The following STAC variants were observed in gnomAD, a reference collection of about 807,000 sequenced individuals.
STAC encodes SH3 and cysteine-rich domain-containing protein.
STAC carries 43 observed loss-of-function variants against 48.8 expected under a neutral mutation model. The ratio of observed to expected loss-of-function variants is 0.88; its 90% CI spans 0.69 to 1.14. STAC has a LOEUF of 1.14. Ranked by LOEUF, STAC falls within the 50% of genes most tolerant of loss-of-function variation. STAC has a pLI of 0.00. For missense variants in STAC, 497 were observed against 504.0 expected (o/e 0.99, Z 0.13); for synonymous variants, 193 against 179.5 (o/e 1.07, Z -0.60).
chr3:36,544,076 T>C (rs968346590), intron 10 of STAC, among the ~76,000 whole-genome samples: 4 of 152,150 alleles, frequency 2.6e-5, no homozygotes, highest in African/African-American at 9.7e-5. Flanking sequence ...ACACACTCTT[T>C]GGCAAATTAT....
chr3:36,488,591 C>G (rs1412171755), intron 5 of STAC, among the ~76,000 whole-genome samples: 2 of 146,010 alleles, frequency 1.4e-5, no homozygotes, highest in Non-Finnish European at 3.0e-5. Flanking sequence ...GGTATTTCCT[C>G]TTGCCCAAGC....
intron 2 of STAC, among the ~76,000 whole-genome samples, chr3:36,452,772 A>G (rs1218264857): frequency 6.6e-6 from 1 of 152,232 alleles, no homozygotes; most frequent in Admixed American, 6.5e-5. Context: ...CATAAATTCA[A>G]GTGAGAGACT....
intron 6 of STAC, among the ~76,000 whole-genome samples, chr3:36,493,430 A>AT (rs1408346903): frequency 1.3e-5 from 2 of 152,110 alleles, no homozygotes; most frequent in Non-Finnish European, 2.9e-5. Flanking sequence ...TGAGTTCTAT[A>AT]TCCTGAGTTC....
chr3:36,451,202 G>A (rs993011396), intron 2 of STAC, among the ~76,000 whole-genome samples: 2 of 151,942 alleles, frequency 1.3e-5, no homozygotes, highest in African/African-American at 4.8e-5. Context: ...TCTTTCGGCA[G>A]ATATATAATA....
In STAC at chr3:36,546,434, G is replaced by A; in HGVS notation, c.*145G>A. On this transcript the variant is annotated 3_prime_UTR_variant, in exon 11 of 11. Transcript: ENST00000273183. ...ACAAGAATCAAGTATCTGAGACTGT[G>A]GAGTAATAGCCACAAAACAGAGGGC... The A allele has an allele frequency of 1.5e-6, 1 of 685,216 alleles. No individual in the cohort carries two copies. Among genetic ancestry groups the A allele is most frequent in the South Asian group, 1.8e-5 (1 of 54,618 alleles). 42.4% of individuals were successfully genotyped at this position (685,216 alleles called of 1,614,324 possible). A position where few individuals can be genotyped will look rare whatever the true frequency, so the allele number is the denominator to read the frequency against.
chr3:36,443,456 C>T lies in STAC; in HGVS notation c.204C>T (p.Asp68=). The part of the protein sequence containing the change: ...DNFFQRTNSE[D]MKLQAHMVAE... ...TCTTCCAGCGAACCAACAGCGAAGA[C>T]ATGAAACTGCAAGCACACATGGTGG... The change falls in exon 2 of 11, where the codon GAC becomes GAT. Residue 68 remains aspartate, a synonymous_variant. Coordinates refer to ENST00000273183, the MANE Select transcript of STAC (RefSeq NM_003149.3). The surrounding 1 kb of genome is among the most constrained non-coding windows in gnomAD (Gnocchi z 4.2). 6.2e-7 allele frequency: 1 copy of T among 1,614,248 alleles called. No individual in the cohort carries two copies. The highest frequency in any genetic ancestry group is 8.5e-7 in the Non-Finnish European group (1 of 1,180,048).
At chr3:36,542,480 C>T (rs1330857817) in intron 10 of STAC, among the ~76,000 whole-genome samples, 2 of 152,140 alleles carry the variant, frequency 1.3e-5, no homozygotes, top group Admixed American at 1.3e-4. Context: ...TGTTCTGGTA[C>T]ACTGAATTTT....
At chr3:36,412,703 T>A (rs973521693) in intron 1 of STAC, among the ~76,000 whole-genome samples, 1 of 152,170 alleles carries the variant, frequency 6.6e-6, no homozygotes, top group Non-Finnish European at 1.5e-5. Flanking sequence ...ACTCACAAAA[T>A]TCTACACACA....
At chr3:36,411,602 G>A (rs1204120830) in intron 1 of STAC, among the ~76,000 whole-genome samples, 1 of 152,180 alleles carries the variant, frequency 6.6e-6, no homozygotes, top group African/African-American at 2.4e-5. Flanking sequence ...TGCACCATAG[G>A]AATTAAGACC....
intron 8 of STAC, among the ~76,000 whole-genome samples, chr3:36,524,652 G>C (rs1162169056): frequency 6.6e-6 from 1 of 152,078 alleles, no homozygotes; most frequent in Non-Finnish European, 1.5e-5. Context: ...ATGTTACACA[G>C]AGTGGTTTCA....
chr3:36,384,625 G>T (rs1242147609), intron 1 of STAC, among the ~76,000 whole-genome samples: 1 of 152,086 alleles, frequency 6.6e-6, no homozygotes, highest in Non-Finnish European at 1.5e-5. Flanking sequence ...ACCTCTTTGG[G>T]CTTTTAGTTA....
At chr3:36,437,441 C>T (rs923303637) in intron 1 of STAC, among the ~76,000 whole-genome samples, 4 of 151,640 alleles carry the variant, frequency 2.6e-5, no homozygotes, top group Non-Finnish European at 5.9e-5. Context: ...GAATACTATG[C>T]AGCCATAAAA....
chr3:36,443,448 A>G lies in STAC; in HGVS notation c.196A>G (p.Ser66Gly). 1 of 1,614,244 alleles carries G rather than the reference A, an allele frequency of 6.2e-7. No homozygotes were observed. Among genetic ancestry groups the G allele is most frequent in the Non-Finnish European group, 8.5e-7 (1 of 1,180,048 alleles). Residue 66 changes from serine (S) to glycine (G), a missense_variant, in exon 2 of 11, where the codon AGC becomes GGC. Physicochemically the swap from Ser to Gly is moderately conservative, Grantham distance 56. Coordinates refer to ENST00000273183, the MANE Select transcript of STAC (RefSeq NM_003149.3). The surrounding 1 kb of genome is among the most constrained non-coding windows in gnomAD (Gnocchi z 4.2). ...SADNFFQRTN[S>G]EDMKLQAHMV... ...TGACAACTTCTTCCAGCGAACCAAC[A>G]GCGAAGACATGAAACTGCAAGCACA...
At chr3:36,517,197 A>G (rs749066915) in intron 8 of STAC, among the ~76,000 whole-genome samples, 8 of 152,302 alleles carry the variant, frequency 5.3e-5, no homozygotes, top group Non-Finnish European at 1.2e-4. Flanking sequence ...AGGTTCTCCT[A>G]TCAGGGTATA....
At chr3:36,381,931 T>C (rs1255613266) in intron 1 of STAC, among the ~76,000 whole-genome samples, 1 of 152,344 alleles carries the variant, frequency 6.6e-6, no homozygotes, top group African/African-American at 2.4e-5. Flanking sequence ...GTGTCAACTT[T>C]TCTAAAACTC....
chr3:36,497,417 C>A (rs893100240), intron 6 of STAC, among the ~76,000 whole-genome samples: 6 of 152,082 alleles, frequency 3.9e-5, no homozygotes, highest in Admixed American at 1.3e-4. Context: ...TAAGGCAATT[C>A]CTTAGAGTCT....
At chr3:36,464,505 T>C (rs548627581) in intron 2 of STAC, among the ~76,000 whole-genome samples, 1 of 152,306 alleles carries the variant, frequency 6.6e-6, no homozygotes, top group African/African-American at 2.4e-5. Flanking sequence ...ATAAGTTCTT[T>C]AGTGGTGATT....
intron 8 of STAC, among the ~76,000 whole-genome samples, chr3:36,517,326 T>G (rs1312308381): frequency 6.6e-6 from 1 of 152,166 alleles, no homozygotes; most frequent in Non-Finnish European, 1.5e-5. Context: ...GACTGCCAGT[T>G]TAATTCATGA....
intron 8 of STAC, 148 bp downstream of exon 8, chr3:36,505,982 G>T: frequency 1.8e-6 from 1 of 547,302 alleles, no homozygotes; most frequent in South Asian, 2.7e-5. Context: ...TGCAAGGCTG[G>T]TTAACACACA....
Sources: allele counts gnomAD v4.1 joint callset (sites outside exome capture counted in the v4.1 genomes callset), GRCh38; gene constraint gnomAD v4.1.1; non-coding constraint Gnocchi (gnomAD v3.1); transcripts MANE v1.5; gene names NCBI Gene and HGNC (gene_info 2026-07-23, HGNC 2026-07-21).